The following GRM7 variants were observed in gnomAD, a reference collection of about 807,000 sequenced individuals.
GRM7 encodes the protein metabotropic glutamate receptor 7.
In GRM7, 35 loss-of-function variants were observed where a neutral mutation model predicts 84.5. That is an observed-to-expected ratio of 0.41 (90% confidence interval 0.32 to 0.55). The LOEUF (loss-of-function observed/expected upper bound fraction) is 0.55, where lower values mean the gene tolerates loss of function less well. Among genes scored for constraint, GRM7 ranks in the 20% least tolerant of loss-of-function variants. The pLI is 0.19. For missense variants in GRM7, 1,003 were observed against 1,194.6 expected, an observed-to-expected ratio of 0.84 and a Z score of 2.36; for synonymous variants, 487 against 455.1, an observed-to-expected ratio of 1.07 and a Z score of -0.89.
intron 2 of GRM7, among the ~76,000 whole-genome samples, chr3:7,245,047 G>T (rs1387453780): frequency 6.6e-6 from 1 of 151,982 alleles, no homozygotes; most frequent in Non-Finnish European, 1.5e-5. Context: ...AAATTTATTA[G>T]ATGGGATTAA....
intron 4 of GRM7, among the ~76,000 whole-genome samples, chr3:7,374,363 G>T (rs2125121319): frequency 6.6e-6 from 1 of 151,852 alleles, no homozygotes; most frequent in Non-Finnish European, 1.5e-5. Flanking sequence ...TATTTTTATT[G>T]AGGCCACACC....
chr3:6,897,156 C>A (rs141227193), intron 1 of GRM7, among the ~76,000 whole-genome samples: 9 of 152,256 alleles, frequency 5.9e-5, no homozygotes, highest in Non-Finnish European at 1.2e-4. Context: ...GCTGGGAAAT[C>A]AGCTGGAAAT....
intron 1 of GRM7, among the ~76,000 whole-genome samples, chr3:6,873,225 C>T (rs1194329000): frequency 2.0e-5 from 3 of 152,130 alleles, no homozygotes; most frequent in Non-Finnish European, 2.9e-5. Context: ...GCACCCACCA[C>T]CAGGCCTGGC....
intron 2 of GRM7, among the ~76,000 whole-genome samples, chr3:7,215,965 C>T (rs879153870): frequency 1.3e-5 from 2 of 151,994 alleles, no homozygotes; most frequent in African/African-American, 4.8e-5. Context: ...GCAAAGATAC[C>T]CCAAGTCAGA....
intron 1 of GRM7, among the ~76,000 whole-genome samples, chr3:7,051,951 A>G (rs563592946): frequency 6.6e-6 from 1 of 151,868 alleles, no homozygotes; most frequent in African/African-American, 2.4e-5. Flanking sequence ...AAATATATTT[A>G]CATTAATTAA....
At chr3:7,388,565 T>C (rs1694873623) in intron 4 of GRM7, among the ~76,000 whole-genome samples, 1 of 152,128 alleles carries the variant, frequency 6.6e-6, no homozygotes. Context: ...TGAATCTGTC[T>C]GGTCCAAGGC....
intron 8 of GRM7, among the ~76,000 whole-genome samples, chr3:7,588,931 G>T (rs1695647305): frequency 6.6e-6 from 1 of 152,314 alleles, no homozygotes; most frequent in South Asian, 2.1e-4. Flanking sequence ...GGAGTCAGTT[G>T]TTCACACCTG....
intron 1 of GRM7, among the ~76,000 whole-genome samples, chr3:6,960,464 A>G (rs1375836163): frequency 1.3e-5 from 2 of 152,172 alleles, no homozygotes; most frequent in Non-Finnish European, 2.9e-5. Flanking sequence ...CCACCAAAAT[A>G]CTACCAGATT....
intron 7 of GRM7, among the ~76,000 whole-genome samples, chr3:7,567,049 G>A (rs949984475): frequency 2.0e-5 from 3 of 152,208 alleles, no homozygotes; most frequent in South Asian, 4.1e-4. Flanking sequence ...CGTTCTTGAT[G>A]TATAATTTAA....
intron 1 of GRM7, among the ~76,000 whole-genome samples, chr3:7,118,913 C>A (rs925618494): frequency 2.0e-5 from 3 of 152,132 alleles, no homozygotes; most frequent in African/African-American, 7.2e-5. Flanking sequence ...GTTACACTTA[C>A]ATTTTGGAAG....
chr3:7,110,591 T>TCACACACA (rs370212342), intron 1 of GRM7, among the ~76,000 whole-genome samples: 5,493 of 143,654 alleles, frequency 0.038, 207 homozygotes, highest in Admixed American at 0.096. Context: ...CGATACTCTG[T>TCACACACA]CACACACACA....
At chr3:6,970,983 A>AAAACAAACAAAC (rs71063280) in intron 1 of GRM7, among the ~76,000 whole-genome samples, 218 of 149,086 alleles carry the variant, frequency 1.5e-3, no homozygotes, top group Middle Eastern at 3.4e-3. Context: ...CTCTGTCTCA[A>AAAACAAACAAAC]AAACAAACAA....
chr3:7,516,339 T>C (rs1389017462), intron 7 of GRM7, among the ~76,000 whole-genome samples: 8 of 148,784 alleles, frequency 5.4e-5, no homozygotes, highest in Non-Finnish European at 8.9e-5. Context: ...TAGCCAGGCG[T>C]GGTGGTGTGC....
At chr3:7,282,929 C>G (rs1699305169) in intron 2 of GRM7, among the ~76,000 whole-genome samples, 1 of 152,184 alleles carries the variant, frequency 6.6e-6, no homozygotes, top group African/African-American at 2.4e-5. Context: ...GATTAACCAA[C>G]AGTGGAGCCC....
intron 1 of GRM7, among the ~76,000 whole-genome samples, chr3:6,975,546 T>C (rs377172491): frequency 6.6e-6 from 1 of 152,192 alleles, no homozygotes; most frequent in South Asian, 2.1e-4. Flanking sequence ...AAACGTTTTA[T>C]ATCATGACCC....
intron 8 of GRM7, among the ~76,000 whole-genome samples, chr3:7,612,682 A>G (rs1575555004): frequency 6.6e-6 from 1 of 152,306 alleles, no homozygotes; most frequent in Non-Finnish European, 1.5e-5. Flanking sequence ...TGAAGGTTAA[A>G]AGGAATTTTG....
intron 7 of GRM7, among the ~76,000 whole-genome samples, chr3:7,472,963 A>G (rs2124925971): frequency 6.6e-6 from 1 of 152,316 alleles, no homozygotes; most frequent in East Asian, 1.9e-4. Context: ...AGTATCTCAA[A>G]AAGGTAAACA....
chr3:7,378,402 T>C (rs1394000291), intron 4 of GRM7, among the ~76,000 whole-genome samples: 1 of 152,206 alleles, frequency 6.6e-6, no homozygotes, highest in African/African-American at 2.4e-5. Context: ...TATACTAATA[T>C]GAAGTAATAT....
chr3:7,006,898 T>C (rs555348232), intron 1 of GRM7, among the ~76,000 whole-genome samples: 1 of 152,280 alleles, frequency 6.6e-6, no homozygotes, highest in South Asian at 2.1e-4. Context: ...TTCAAAGGGA[T>C]TGACAAATAA....
Sources: allele counts gnomAD v4.1 joint callset (sites outside exome capture counted in the v4.1 genomes callset), GRCh38; gene constraint gnomAD v4.1.1; transcripts MANE v1.5; gene names NCBI Gene and HGNC (gene_info 2026-07-23, HGNC 2026-07-21).